GPHN: variants seen among roughly 807,000 people sequenced by gnomAD.
GPHN encodes gephyrin.
A neutral mutation model predicts 95.5 loss-of-function variants in GPHN; 17 were observed. That is an observed-to-expected ratio of 0.18 (90% CI 0.12 to 0.27). The LOEUF (loss-of-function observed/expected upper bound fraction) is 0.27. GPHN is among the 10% of genes least tolerant of loss of function. The pLI is 1.00. For synonymous variants in GPHN, 320 were observed against 322.5 expected (o/e 0.99, Z 0.08); for missense variants, 660 against 978.1 (o/e 0.67, Z 4.34).
chr14:67,107,385 C>G (rs973025286), intron 13 of GPHN, among the ~76,000 whole-genome samples: 7 of 152,168 alleles, frequency 4.6e-5, no homozygotes, highest in Admixed American at 6.5e-5. Flanking sequence ...CAGGTTCACT[C>G]TCTGTGGCAG....
At chr14:67,073,115 C>A (rs2076372041) in intron 11 of GPHN, among the ~76,000 whole-genome samples, 2 of 151,898 alleles carry the variant, frequency 1.3e-5, no homozygotes, top group South Asian at 4.1e-4. Context: ...CAGGACCACT[C>A]TTTGTGGGAA....
the GPHN span, among the ~76,000 whole-genome samples, chr14:67,629,844 A>G: frequency 8.4e-4 from 128 of 152,352 alleles, 2 homozygotes; most frequent in African/African-American, 2.7e-3. Context: ...CTTTCTAAGG[A>G]TTTGTGTGGA....
At chr14:67,519,952 G>C in the GPHN span, among the ~76,000 whole-genome samples, 7 of 152,126 alleles carry the variant, frequency 4.6e-5, no homozygotes, top group African/African-American at 1.7e-4. Flanking sequence ...TGAACTCCTA[G>C]CCTCAAGTGG....
chr14:67,482,272 TGAG>T, the GPHN span, among the ~76,000 whole-genome samples: 1 of 152,130 alleles, frequency 6.6e-6, no homozygotes, highest in Non-Finnish European at 1.5e-5. Flanking sequence ...GGCCAGCAGT[TGAG>T]AGGGGTAAAG....
At chr14:67,573,832 T>C in the GPHN span, 1 of 1,613,734 alleles carries the variant, frequency 6.2e-7, no homozygotes, top group Non-Finnish European at 8.5e-7. The surrounding 1 kb of genome is among the most constrained non-coding windows in gnomAD (Gnocchi z 4.8). Flanking sequence ...CAAGGCCAAG[T>C]GGATCTGAAC....
chr14:66,630,605 G>A (rs1199378479), intron 1 of GPHN, among the ~76,000 whole-genome samples: 1 of 151,958 alleles, frequency 6.6e-6, no homozygotes, highest in South Asian at 2.1e-4. Flanking sequence ...CTGAGTAGCT[G>A]GGACTACAGG....
At chr14:67,629,088 C>A in the GPHN span, among the ~76,000 whole-genome samples, 1 of 152,128 alleles carries the variant, frequency 6.6e-6, no homozygotes, top group South Asian at 2.1e-4. Flanking sequence ...AATCCCAGCA[C>A]TTTGGGAGGC....
intron 1 of GPHN, among the ~76,000 whole-genome samples, chr14:66,597,876 A>G (rs903122625): frequency 3.3e-5 from 5 of 152,206 alleles, no homozygotes; most frequent in African/African-American, 1.2e-4. Flanking sequence ...TGTGGAATCA[A>G]TCTAAGTGTC....
intron 16 of GPHN, among the ~76,000 whole-genome samples, chr14:67,116,028 G>C (rs1425814453): frequency 6.6e-6 from 1 of 151,984 alleles, no homozygotes; most frequent in Non-Finnish European, 1.5e-5. Flanking sequence ...TATGCAACCT[G>C]TGGTGATTCA....
chr14:66,852,503 A>AG (rs1481712478), intron 4 of GPHN, among the ~76,000 whole-genome samples: 1 of 152,238 alleles, frequency 6.6e-6, no homozygotes, highest in Non-Finnish European at 1.5e-5. Flanking sequence ...TAAGAAGAAA[A>AG]GTGTCTTAAG....
chr14:67,583,185 G>A, the GPHN span, among the ~76,000 whole-genome samples: 8 of 152,150 alleles, frequency 5.3e-5, no homozygotes, highest in Non-Finnish European at 1.0e-4. Flanking sequence ...AGTAATAGTT[G>A]ATCTTTATAA....
At chr14:67,127,119 G>A (rs6573753) in intron 17 of GPHN, among the ~76,000 whole-genome samples, 31,714 of 134,842 alleles carry the variant, frequency 0.24, 8,032 homozygotes, top group African/African-American at 0.61. Context: ...GGGGGGAAGG[G>A]GGAGGGATAG....
intron 18 of GPHN, among the ~76,000 whole-genome samples, chr14:67,145,466 C>G (rs1192019261): frequency 6.6e-6 from 1 of 152,214 alleles, no homozygotes; most frequent in East Asian, 1.9e-4. Flanking sequence ...TTTTTACTCT[C>G]TGTATAATAA....
chr14:66,969,459 A>G (rs1490634080), intron 9 of GPHN: 2 of 152,236 alleles, frequency 1.3e-5, no homozygotes, highest in Non-Finnish European at 1.5e-5. Flanking sequence ...CATAGCTTAG[A>G]TGAGTGCTGA....
chr14:67,193,954 C>CAAAAAAAAAAACAAA, the GPHN span, among the ~76,000 whole-genome samples: 26 of 85,746 alleles, frequency 3.0e-4, no homozygotes, highest in South Asian at 7.4e-4. Context: ...CAAAAAAAAA[C>CAAAAAAAAAAACAAA]AAAAAAAAAA....
Position 66,586,559 on chromosome 14 carries a change from A to G in GPHN, c.64+77968A>G, listed in dbSNP as rs560455084. Among the ~76,000 whole-genome samples the G allele has an allele frequency of 3.1e-4, 47 of 152,298 alleles. No individual in the cohort carries two copies. In the South Asian group the frequency reaches 8.3e-3, roughly 27 times the overall value. ...CCTTTCCATATTTAGTGCTTCCTTC[A>G]GGAGCTCTTGTAGGGCAGGCTTGGT... On this transcript the variant is annotated intron_variant, in intron 1 of 22. Coordinates refer to ENST00000478722, the MANE Select transcript of GPHN (RefSeq NM_020806.5).
At chr14:67,420,907 T>A in the GPHN span, among the ~76,000 whole-genome samples, 1 of 152,256 alleles carries the variant, frequency 6.6e-6, no homozygotes, top group Non-Finnish European at 1.5e-5. Flanking sequence ...GAGAGCAGGC[T>A]CTGGATCTGA....
At chr14:66,856,407 T>C (rs113421001) in intron 4 of GPHN, among the ~76,000 whole-genome samples, 79 of 152,252 alleles carry the variant, frequency 5.2e-4, no homozygotes, top group African/African-American at 1.6e-3. Context: ...AGTGATTCAA[T>C]AGAGAAACAC....
At chr14:66,650,428 A>G (rs2064988390) in intron 1 of GPHN, among the ~76,000 whole-genome samples, 1 of 152,180 alleles carries the variant, frequency 6.6e-6, no homozygotes, top group Admixed American at 6.5e-5. Context: ...AGCCCTTTAC[A>G]TGAAGAGTTG....
Sources: gnomAD v4.1 joint callset for allele counts (sites outside exome capture counted in the v4.1 genomes callset) on GRCh38, gnomAD v4.1.1 for gene constraint, Gnocchi (gnomAD v3.1) non-coding constraint, MANE v1.5 for transcripts, NCBI Gene and HGNC (gene_info 2026-07-23, HGNC 2026-07-21) for gene names.